KCNC2: variants seen among roughly 807,000 people sequenced by gnomAD.
KCNC2 encodes the protein potassium voltage-gated channel subfamily C member 2.
KCNC2 carries 21 observed loss-of-function variants against 44.5 expected under a neutral mutation model. The observed-to-expected ratio is 0.47, with a 90% CI of 0.33 to 0.68. The LOEUF (loss-of-function observed/expected upper bound fraction) is 0.68, where lower values mean the gene tolerates loss of function less well. KCNC2 is among the 30% of genes least tolerant of loss of function. The probability of loss-of-function intolerance (pLI) is 0.01; values close to 1 mark genes in which losing one functional copy is unlikely to be tolerated. For synonymous variants in KCNC2, 391 were observed against 339.1 expected (o/e 1.15, Z -1.68); for missense variants, 589 against 826.2 (o/e 0.71, Z 3.52).
chr12:75,122,493 ATCT>A (rs1376314178), intron 2 of KCNC2, among the ~76,000 whole-genome samples: 2 of 152,206 alleles, frequency 1.3e-5, no homozygotes, highest in African/African-American at 4.8e-5. Flanking sequence ...TGAATATGTG[ATCT>A]TAGACATTCA....
intron 2 of KCNC2, among the ~76,000 whole-genome samples, chr12:75,092,245 A>G (rs2137135053): frequency 6.6e-6 from 1 of 151,788 alleles, no homozygotes. Context: ...GCCACGTGAA[A>G]GGCCACATAG....
At chr12:75,077,310 T>C (rs1236345842) in intron 2 of KCNC2, among the ~76,000 whole-genome samples, 2 of 152,144 alleles carry the variant, frequency 1.3e-5, no homozygotes, top group South Asian at 2.1e-4. Flanking sequence ...GAAAACCTCA[T>C]TAAAATCCAG....
At chr12:75,065,609 G>A (rs947122948) in intron 2 of KCNC2, among the ~76,000 whole-genome samples, 2 of 151,846 alleles carry the variant, frequency 1.3e-5, no homozygotes, top group Non-Finnish European at 2.9e-5. Context: ...TGTTACAATT[G>A]CCTACAGTAT....
intron 2 of KCNC2, among the ~76,000 whole-genome samples, chr12:75,149,243 G>A (rs930728589): frequency 4.0e-5 from 6 of 151,430 alleles, no homozygotes; most frequent in African/African-American, 1.5e-4. Flanking sequence ...TTATTTTGTA[G>A]TTTTCCCACT....
In KCNC2 at chr12:75,207,175, T is replaced by G. The variant is rs1593100640; in HGVS notation, c.687+122A>C. 1 of 1,444,514 alleles carries G rather than the reference T, an allele frequency of 6.9e-7. No individual in the cohort carries two copies. Among genetic ancestry groups the G allele is most frequent in the East Asian group, 2.6e-5 (1 of 39,170 alleles). The allele number at this position is 1,444,514 out of a possible 1,614,324, so 89.5% of individuals were successfully genotyped here. On this transcript the variant is annotated intron_variant, in intron 2 of 4. Coordinates refer to ENST00000549446, the MANE Select transcript of KCNC2 (RefSeq NM_139137.4). This position sits in a 1 kb window ranked among gnomAD's most constrained non-coding sequence, Gnocchi z 4.1. The stretch of plus-strand genomic sequence containing the variant: ...AAGGATGAGCCTCTAACTGTATCGC[T>G]AGGAAATCCCGGGTCTCTTCTACCC...
chr12:75,132,264 A>G (rs1322171506), intron 2 of KCNC2, among the ~76,000 whole-genome samples: 1 of 152,166 alleles, frequency 6.6e-6, no homozygotes, highest in African/African-American at 2.4e-5. Context: ...ATTTCTATTG[A>G]AAATCAAATG....
At chr12:75,063,269 T>G (rs1882518713) in intron 2 of KCNC2, among the ~76,000 whole-genome samples, 2 of 152,206 alleles carry the variant, frequency 1.3e-5, no homozygotes, top group South Asian at 4.1e-4. Flanking sequence ...ATGTAAAAAT[T>G]TCCTTTAAAC....
intron 2 of KCNC2, among the ~76,000 whole-genome samples, chr12:75,120,574 T>C (rs1212209454): frequency 6.6e-6 from 1 of 152,168 alleles, no homozygotes; most frequent in Non-Finnish European, 1.5e-5. Flanking sequence ...AGATCACAAC[T>C]GAAGCCAAAG....
intron 2 of KCNC2, among the ~76,000 whole-genome samples, chr12:75,122,522 G>A (rs140328584): frequency 2.6e-5 from 4 of 152,228 alleles, no homozygotes; most frequent in African/African-American, 9.6e-5. Flanking sequence ...CCTATGAACT[G>A]ATCCGTAGTC....
intron 2 of KCNC2, among the ~76,000 whole-genome samples, chr12:75,201,575 C>T (rs754601993): frequency 5.9e-5 from 9 of 151,738 alleles, no homozygotes; most frequent in South Asian, 2.1e-4. Flanking sequence ...AAGACTGGAG[C>T]GTAGGTCTCT....
At chr12:75,135,313 G>A (rs1461973911) in intron 2 of KCNC2, among the ~76,000 whole-genome samples, 1 of 151,812 alleles carries the variant, frequency 6.6e-6, no homozygotes, top group Admixed American at 6.6e-5. Flanking sequence ...CTGTGTGAAT[G>A]TGATAATGAT....
intron 4 of KCNC2, 22 bp downstream of exon 4, chr12:75,048,131 A>C: frequency 6.2e-7 from 1 of 1,607,278 alleles, no homozygotes; most frequent in Non-Finnish European, 8.5e-7. Flanking sequence ...ACCTGTTATG[A>C]TCTGATTAAA....
At chr12:75,177,454 G>A (rs535808654) in intron 2 of KCNC2, among the ~76,000 whole-genome samples, 38 of 151,962 alleles carry the variant, frequency 2.5e-4, no homozygotes, top group African/African-American at 8.7e-4. Flanking sequence ...CAATAAACAA[G>A]AACTACTGAC....
Position 75,041,224 on chromosome 12 carries a change from A to G in KCNC2, c.*1881T>C. Reference sequence around the variant, plus strand: ...GTACAACACTGTAGTCAATAACAGCAGCACCAGACAGCATATTAATTCTTT... The same window carrying G: ...GTACAACACTGTAGTCAATAACAGCGGCACCAGACAGCATATTAATTCTTT... On this transcript the variant is annotated 3_prime_UTR_variant, in exon 5 of 5. Coordinates refer to ENST00000549446, the MANE Select transcript of KCNC2 (RefSeq NM_139137.4). 1.3e-6 allele frequency: 2 copies of G among 1,594,734 alleles called. No homozygotes were observed. Among genetic ancestry groups the G allele is most frequent in the African/African-American group, 1.3e-5 (1 of 74,874 alleles).
At chr12:75,083,256 G>T (rs1346339164) in intron 2 of KCNC2, among the ~76,000 whole-genome samples, 4 of 151,662 alleles carry the variant, frequency 2.6e-5, no homozygotes, top group African/African-American at 9.7e-5. Flanking sequence ...ATAACAGGAA[G>T]AAAATATTAA....
chr12:75,178,918 A>G (rs1297867931), intron 2 of KCNC2, among the ~76,000 whole-genome samples: 2 of 151,992 alleles, frequency 1.3e-5, no homozygotes, highest in African/African-American at 2.4e-5. Context: ...ATGAGCTAAT[A>G]AATCAGGTAA....
chr12:75,095,831 A>G (rs1204697210), intron 2 of KCNC2, among the ~76,000 whole-genome samples: 1 of 151,886 alleles, frequency 6.6e-6, no homozygotes, highest in African/African-American at 2.4e-5. Flanking sequence ...TAAATTTTCA[A>G]ATTTTCCTGA....
At chr12:75,187,114 A>G (rs1893005899) in intron 2 of KCNC2, among the ~76,000 whole-genome samples, 1 of 152,228 alleles carries the variant, frequency 6.6e-6, no homozygotes, top group African/African-American at 2.4e-5. Context: ...GGATGTTTTC[A>G]GAAAACTGAC....
intron 2 of KCNC2, among the ~76,000 whole-genome samples, chr12:75,069,943 T>C (rs994031306): frequency 1.3e-5 from 2 of 152,040 alleles, no homozygotes; most frequent in African/African-American, 4.8e-5. Flanking sequence ...TCGAAACAAA[T>C]CAGAAACCAA....
Sources: gnomAD v4.1 joint callset for allele counts (sites outside exome capture counted in the v4.1 genomes callset) on GRCh38, gnomAD v4.1.1 for gene constraint, Gnocchi (gnomAD v3.1) non-coding constraint, MANE v1.5 for transcripts, NCBI Gene and HGNC (gene_info 2026-07-23, HGNC 2026-07-21) for gene names.